Variants in ABCC2 observed in about 807,000 individuals in gnomAD.
The protein encoded by ABCC2 is ATP binding cassette subfamily C member 2, also known as ATP-binding cassette sub-family C member 2.
Under a neutral mutation model 173.4 loss-of-function variants are expected in ABCC2, and 157 were observed. The observed-to-expected ratio is 0.91, with a 90% CI of 0.80 to 1.03. The LOEUF is 1.03. ABCC2 is among the 50% of genes least tolerant of loss of function. The pLI is 0.00. For synonymous variants in ABCC2, 657 were observed against 693.5 expected, an observed-to-expected ratio of 0.95 and a Z score of 0.83; for missense variants, 1,822 against 1,852.3, an observed-to-expected ratio of 0.98 and a Z score of 0.30.
intron 11 of ABCC2, among the ~76,000 whole-genome samples, chr10:99,806,372 A>C: frequency 6.6e-6 from 1 of 152,270 alleles, no homozygotes; most frequent in South Asian, 2.1e-4. Context: ...CTGGCAGCAC[A>C]TTAGAATCAC....
chr10:99,815,969 G>GT (rs552969751), intron 16 of ABCC2, among the ~76,000 whole-genome samples: 3,058 of 135,306 alleles, frequency 0.023, 79 homozygotes, highest in African/African-American at 0.055. Flanking sequence ...TTCTGGTCTT[G>GT]TTTTTTTTTT....
intron 25 of ABCC2, among the ~76,000 whole-genome samples, chr10:99,839,202 TCCCTCCCGGACGGGCCGGCTGGCCGGGC>T (rs2038888127): frequency 1.5e-5 from 1 of 65,904 alleles, no homozygotes; most frequent in Non-Finnish European, 3.0e-5. Context: ...CCCCCCCACC[TCCCTCCCGGACGGGCCGGCTGGCCGGGC>T]GGGGGGCCGA....
Position 99,817,503 on chromosome 10 carries a change from G to A in ABCC2, c.2271+19G>A. ...AGAGAAGGTACTTGGGATAACAAGG[G>A]ATCTTCAAGGGTGAAGGCATATTGA... On this transcript the variant is annotated intron_variant, in intron 17 of 31. Coordinates refer to ENST00000647814, the MANE Select transcript of ABCC2 (RefSeq NM_000392.5). 1.2e-6 allele frequency: 2 copies of A among 1,613,762 alleles called. No homozygotes were observed. Among genetic ancestry groups the A allele is most frequent in the Non-Finnish European group, 1.7e-6 (2 of 1,179,770 alleles).
chr10:99,820,116 G>A (rs758207441), intron 19 of ABCC2, among the ~76,000 whole-genome samples: 22 of 152,220 alleles, frequency 1.4e-4, no homozygotes, highest in Non-Finnish European at 2.5e-4. Flanking sequence ...GGAGGGCCAG[G>A]CACGATGGCT....
In ABCC2 at chr10:99,814,196, T is replaced by C. The variant is rs796341525; in HGVS notation, c.2094+1052T>C. Among the ~76,000 whole-genome samples the C allele has an allele frequency of 1.7e-3, 79 of 46,580 alleles. 1 individual carries two copies. The highest frequency in any genetic ancestry group is 2.8e-3 in the Admixed American group (13 of 4,612). The allele number at this position is 46,580 out of a possible 152,430, so 30.6% of individuals were successfully genotyped here. ...ACACACATGTATGTATACACACATG[T>C]GTATATATACACACATGTGTATATA... On this transcript the variant is annotated intron_variant, in intron 16 of 31. Transcript: ENST00000647814.
chr10:99,833,370 AC>A (rs1242332129), intron 23 of ABCC2, among the ~76,000 whole-genome samples: 2 of 152,238 alleles, frequency 1.3e-5, no homozygotes, highest in Non-Finnish European at 2.9e-5. Context: ...TCTGTGAGTT[AC>A]TTAGGCAACA....
At position 99,834,214 on chromosome 10, in the gene ABCC2, T is replaced by C. The variant is rs1184791358; in HGVS notation, c.3259-166T>C. ...GAAATTATGGAAATGAAATTGGTTA[T>C]TGGGGCAAGCAATGCAGCCTATTGC... On this transcript the variant is annotated intron_variant, in intron 23 of 31. Coordinates refer to ENST00000647814, the MANE Select transcript of ABCC2 (RefSeq NM_000392.5). Among the ~76,000 whole-genome samples, 38 of 152,196 alleles carry C rather than the reference T, an allele frequency of 2.5e-4. 1 individual carries two copies. Among genetic ancestry groups the C allele is most frequent in the Non-Finnish European group, 4.4e-5 (3 of 68,036 alleles).
At chr10:99,839,017 T>C (rs2038880924) in intron 25 of ABCC2, among the ~76,000 whole-genome samples, 1 of 98,014 alleles carries the variant, frequency 1.0e-5, no homozygotes, top group Admixed American at 9.5e-5. Flanking sequence ...GGCTCCTCAC[T>C]TCCCAGTAGG....
At chr10:99,792,438 G>T in intron 3 of ABCC2, 79 bp downstream of exon 3, 1 of 1,582,502 alleles carries the variant, frequency 6.3e-7, no homozygotes, top group Non-Finnish European at 8.7e-7. Flanking sequence ...CTTTGGGGAT[G>T]AAATTAATTC....
intron 16 of ABCC2, among the ~76,000 whole-genome samples, chr10:99,816,863 C>T (rs935105164): frequency 7.9e-5 from 12 of 152,084 alleles, no homozygotes; most frequent in Non-Finnish European, 8.8e-5. Context: ...AGTTTCATCC[C>T]GAAACCATCT....
Position 99,795,801 on chromosome 10 carries a change from A to T in ABCC2, c.633-1296A>T, listed in dbSNP as rs2490765. Among the ~76,000 whole-genome samples the T allele has an allele frequency of 1.5e-3, 152 of 102,390 alleles. 2 individuals carry two copies. Among genetic ancestry groups the T allele is most frequent in the African/African-American group, 3.8e-3 (104 of 27,328 alleles). 67.2% of individuals were successfully genotyped at this position (102,390 alleles called of 152,430 possible). On this transcript the variant is annotated intron_variant, in intron 6 of 31. Transcript: ENST00000647814. ...AAAGAAAGAAAGAAAGAAAGAAAGA[A>T]AGATTTCTAAATGCTAGATTTCAGT...
In ABCC2 at chr10:99,784,724, C is replaced by T. The variant is rs200595851; in HGVS notation, c.150C>T (p.His50=). ...TCCTGGCCCCCTGGCAGCTTCTCCA[C>T]GTGTATAAATCCAGGACCAAGAGAT... ...LWLLAPWQLL[H]VYKSRTKRSS... The change falls in exon 2 of 32, where the codon CAC becomes CAT. Residue 50 remains histidine, a synonymous_variant. Transcript: ENST00000647814. The T allele has an allele frequency of 6.0e-4, 965 of 1,614,144 alleles. 1 individual carries two copies. The highest frequency in any genetic ancestry group is 7.5e-4 in the Non-Finnish European group (885 of 1,180,016).
intron 19 of ABCC2, among the ~76,000 whole-genome samples, chr10:99,827,547 GC>G (rs2038665616): frequency 6.6e-6 from 1 of 152,014 alleles, no homozygotes; most frequent in African/African-American, 2.4e-5. Context: ...TTCTAAAGCT[GC>G]TTTAATAATG....
intron 6 of ABCC2, among the ~76,000 whole-genome samples, chr10:99,795,795 GAA>G (rs1491392354): frequency 0.25 from 31,398 of 123,666 alleles, 4,503 homozygotes; most frequent in Non-Finnish European, 0.27. Context: ...AAGAAAGAAA[GAA>G]AGAAAGATTT....
chr10:99,842,612 C>T (rs1387068442), intron 26 of ABCC2, among the ~76,000 whole-genome samples: 1 of 152,188 alleles, frequency 6.6e-6, no homozygotes. Context: ...GCACCTAAGA[C>T]AGTGGCTGGC....
At position 99,797,288 on chromosome 10, in the gene ABCC2, G is replaced by A. The variant is rs1451896108; in HGVS notation, c.824G>A (p.Gly275Asp). Reference sequence around the variant, plus strand: ...CAGAACTCTGGAGCCAGGCTGCCTGGCTTGAACAAGAATCAGAGTCAAAGC... The same window carrying A: ...CAGAACTCTGGAGCCAGGCTGCCTGACTTGAACAAGAATCAGAGTCAAAGC... ...SQQNSGARLP[G>D]LNKNQSQSQD... The change falls in exon 7 of 32, where the codon GGC becomes GAC. Residue 275 changes from glycine (G) to aspartate (D), a missense_variant. Gly to Asp is a moderately conservative substitution (Grantham distance 94). Transcript: ENST00000647814. 1.9e-6 allele frequency: 3 copies of A among 1,613,674 alleles called. No homozygotes were observed. The highest frequency in any genetic ancestry group is 1.1e-5 in the South Asian group (1 of 91,016).
chr10:99,846,985 C>A lies in ABCC2; in HGVS notation c.4171C>A (p.Leu1391Met), dbSNP rs2039026923. The A allele has an allele frequency of 6.2e-7, 1 of 1,614,058 alleles. No individual in the cohort carries two copies. The highest frequency in any genetic ancestry group is 8.5e-7 in the Non-Finnish European group (1 of 1,180,034). ...GGACCCCATCCTGTTCTCTGGAAGC[C>A]TGAGGATGAATCTCGACCCTTTCAA... The part of the protein sequence containing the change: ...PQDPILFSGS[L>M]RMNLDPFNNY... Residue 1391 changes from leucine (L) to methionine (M), a missense_variant, in exon 30 of 32, where the codon CTG becomes ATG. By Grantham distance (15) the Leu-to-Met change is conservative (BLOSUM62 2). Coordinates refer to ENST00000647814, the MANE Select transcript of ABCC2 (RefSeq NM_000392.5).
chr10:99,834,417 T>C lies in ABCC2; in HGVS notation c.3296T>C (p.Leu1099Ser). Residue 1099 changes from leucine to serine, a missense_variant, in exon 24 of 32, where the codon TTG (leucine) becomes TCG (serine). Coordinates refer to ENST00000647814, the MANE Select transcript of ABCC2 (RefSeq NM_000392.5). ...GTGGATGACACCCTGCCTCAGTCCT[T>C]GCGCAGCTGGATTACATGCTTCCTG... ...STVDDTLPQSLRSWITCFLGI... is the reference protein window; with the variant it reads ...STVDDTLPQSSRSWITCFLGI... 1 of 1,614,196 alleles carries C rather than the reference T, an allele frequency of 6.2e-7. No individual in the cohort carries two copies. The highest frequency in any genetic ancestry group is 8.5e-7 in the Non-Finnish European group (1 of 1,180,032).
At chr10:99,815,001 A>ATACAT (rs2038381463) in intron 16 of ABCC2, among the ~76,000 whole-genome samples, 2 of 149,876 alleles carry the variant, frequency 1.3e-5, no homozygotes, top group African/African-American at 4.9e-5. Context: ...AAGTTCCAGG[A>ATACAT]TACATTTGCA....
Sources: allele counts gnomAD v4.1 joint callset (sites outside exome capture counted in the v4.1 genomes callset), GRCh38; gene constraint gnomAD v4.1.1; transcripts MANE v1.5; gene names NCBI Gene and HGNC (gene_info 2026-07-23, HGNC 2026-07-21).